Variants in MYLK4 observed in about 807,000 individuals in gnomAD.
The protein encoded by MYLK4 is caMLCK like.
Under a neutral mutation model 48.1 loss-of-function variants are expected in MYLK4, and 46 were observed. The ratio of observed to expected loss-of-function variants is 0.96; its 90% CI spans 0.75 to 1.22. The LOEUF is 1.22. Among genes scored for constraint, MYLK4 ranks in the 50% most tolerant of loss-of-function variants. The pLI is 0.00. For synonymous variants in MYLK4, 170 were observed against 180.8 expected (o/e 0.94, Z 0.48); for missense variants, 451 against 486.1 (o/e 0.93, Z 0.68).
chr6:2,694,503 G>GCGGTGGTGGTGGTGGTGGTGGTGA (rs1554128043), intron 2 of MYLK4, among the ~76,000 whole-genome samples: 2 of 12,356 alleles, frequency 1.6e-4, no homozygotes, highest in Non-Finnish European at 2.9e-4. Flanking sequence ...GGTGGTGGTG[G>GCGGTGGTGGTGGTGGTGGTGGTGA]TGGTGGTGGC....
At chr6:2,703,665 C>CTTTTTTTTTTTTTTTTTTTT (rs3055234) in intron 2 of MYLK4, among the ~76,000 whole-genome samples, 3 of 95,120 alleles carry the variant, frequency 3.2e-5, no homozygotes, top group African/African-American at 4.1e-5. Context: ...TTTGTGAATT[C>CTTTTTTTTTTTTTTTTTTTT]TTTTTTTTTT....
chr6:2,705,534 G>A (rs190543363), intron 2 of MYLK4, among the ~76,000 whole-genome samples: 1 of 152,286 alleles, frequency 6.6e-6, no homozygotes, highest in African/African-American at 2.4e-5. Context: ...CAGGGAGCTT[G>A]ATTTGCTGAT....
At chr6:2,674,430 T>A (rs1761007688) in intron 11 of MYLK4, among the ~76,000 whole-genome samples, 1 of 152,226 alleles carries the variant, frequency 6.6e-6, no homozygotes, top group Admixed American at 6.5e-5. Flanking sequence ...ACTTTATATG[T>A]TTATAGGTTA....
chr6:2,748,071 G>A (rs1306087236), intron 2 of MYLK4, among the ~76,000 whole-genome samples: 1 of 152,120 alleles, frequency 6.6e-6, no homozygotes, highest in Non-Finnish European at 1.5e-5. Flanking sequence ...CTATTGCATT[G>A]TTAGAAACGC....
At chr6:2,671,244 A>C in intron 12 of MYLK4, 32 bp downstream of exon 12, 1 of 1,458,552 alleles carries the variant, frequency 6.9e-7, no homozygotes, top group Non-Finnish European at 9.6e-7. Context: ...TAAGGCCTTC[A>C]CAGACACCTC....
chr6:2,770,228 ATTG>A, the MYLK4 span: 1 of 1,614,120 alleles, frequency 6.2e-7, no homozygotes, highest in Non-Finnish European at 8.5e-7. Flanking sequence ...CTGTCGAGTG[ATTG>A]TTCTTGAGAA....
chr6:2,762,255 T>C, the MYLK4 span, among the ~76,000 whole-genome samples: 1 of 152,200 alleles, frequency 6.6e-6, no homozygotes, highest in Non-Finnish European at 1.5e-5. Context: ...ATGACAATAC[T>C]TTTGAAAACC....
chr6:2,729,670 A>G (rs956234229), intron 2 of MYLK4, among the ~76,000 whole-genome samples: 1 of 152,040 alleles, frequency 6.6e-6, no homozygotes, highest in African/African-American at 2.4e-5. Flanking sequence ...TGTTTTAGTG[A>G]CTTTGAACCT....
chr6:2,768,571 A>C, the MYLK4 span: 1 of 713,870 alleles, frequency 1.4e-6, no homozygotes, highest in Non-Finnish European at 2.2e-6. Context: ...GCTGCTCAGC[A>C]TTCTTCCGAG....
chr6:2,762,316 G>A, the MYLK4 span, among the ~76,000 whole-genome samples: 3 of 152,154 alleles, frequency 2.0e-5, no homozygotes, highest in African/African-American at 4.8e-5. Flanking sequence ...CAACTCTACT[G>A]TCTAATCTTG....
rs1329964721 is a variant in MYLK4, at chr6:2,664,034, A to T, written c.*3891T>A. 2 of 152,266 alleles carry T rather than the reference A, an allele frequency of 1.3e-5. No individual in the cohort carries two copies. The highest frequency in any genetic ancestry group is 4.8e-5 in the African/African-American group (2 of 41,466). The allele number at this position is 152,266 out of a possible 1,614,324, so 9.4% of individuals were successfully genotyped here. A position where few individuals can be genotyped will look rare whatever the true frequency, so the allele number is the denominator to read the frequency against. On this transcript the variant is annotated 3_prime_UTR_variant, in exon 13 of 13. Transcript: ENST00000274643. ...CAAAAAGAAATATAGAACACTTCTA[A>T]CTGAGAAACTGCAGACTCCAAGCTA...
chr6:2,766,248 A>C, the MYLK4 span: 10 of 1,488,968 alleles, frequency 6.7e-6, no homozygotes, highest in East Asian at 5.3e-5. Flanking sequence ...GGCCGCCCGC[A>C]CCCCCGGGCG....
intron 2 of MYLK4, among the ~76,000 whole-genome samples, chr6:2,747,762 G>A (rs1764149852): frequency 1.3e-5 from 2 of 152,276 alleles, no homozygotes; most frequent in Non-Finnish European, 2.9e-5. Flanking sequence ...ACAGTTAGTT[G>A]ATGATTTCAA....
chr6:2,706,691 C>A (rs899960550), intron 2 of MYLK4, among the ~76,000 whole-genome samples: 11 of 152,162 alleles, frequency 7.2e-5, no homozygotes, highest in Admixed American at 3.9e-4. Flanking sequence ...ACTTGAAATT[C>A]TTCGAGGAGG....
At chr6:2,715,282 A>C (rs975929661) in intron 2 of MYLK4, among the ~76,000 whole-genome samples, 1 of 151,086 alleles carries the variant, frequency 6.6e-6, no homozygotes, top group African/African-American at 2.4e-5. Flanking sequence ...AAATGGGTAC[A>C]GAGTTGCAGT....
upstream of MYLK4, among the ~76,000 whole-genome samples, chr6:2,754,389 G>A (rs1387731955): frequency 2.0e-5 from 3 of 151,838 alleles, no homozygotes; most frequent in Non-Finnish European, 4.4e-5. Context: ...ATGGATGAGC[G>A]AAAACACTGT....
the MYLK4 span, among the ~76,000 whole-genome samples, chr6:2,764,244 T>A: frequency 1.3e-5 from 2 of 152,210 alleles, no homozygotes; most frequent in African/African-American, 4.8e-5. Context: ...CCTAACTTTT[T>A]TAGTTAGAAA....
At position 2,674,887 on chromosome 6, in the gene MYLK4, T is replaced by A. The variant is rs371307558; in HGVS notation, c.1119+160A>T. On this transcript the variant is annotated intron_variant, in intron 11 of 12. Transcript: ENST00000274643. ...ATTTTGCCTCAAAAAAAATTTTTTT[T>A]AAAAAAGCATTTTAAGTAATTTAAT... Among the ~76,000 whole-genome samples the A allele has an allele frequency of 2.8e-4, 43 of 152,286 alleles. 2 individuals carry two copies. Among genetic ancestry groups the A allele is most frequent in the African/African-American group, 8.2e-4 (34 of 41,564 alleles).
At chr6:2,680,446 A>C in intron 7 of MYLK4, 155 bp from the exon 8 acceptor site, 3 of 985,366 alleles carry the variant, frequency 3.0e-6, no homozygotes, top group Non-Finnish European at 3.6e-6. Context: ...TTCTCCTTTA[A>C]TTATGTGGTG....
Sources: gnomAD v4.1 joint callset for allele counts (sites outside exome capture counted in the v4.1 genomes callset) on GRCh38, gnomAD v4.1.1 for gene constraint, MANE v1.5 for transcripts, NCBI Gene and HGNC (gene_info 2026-07-23, HGNC 2026-07-21) for gene names.